The following SIGLEC9 variants were observed in gnomAD, a reference collection of about 807,000 sequenced individuals.
SIGLEC9 encodes the protein sialic acid binding Ig like lectin 9, also known as sialic acid-binding Ig-like lectin 9.
In SIGLEC9, 26 loss-of-function variants were observed where a neutral mutation model predicts 38.3. That is an observed-to-expected ratio of 0.68 (90% CI 0.50 to 0.94). SIGLEC9 has a LOEUF of 0.94. Among genes scored for constraint, SIGLEC9 ranks in the 40% least tolerant of loss-of-function variants. The pLI is 0.00. For missense variants in SIGLEC9, 556 were observed against 585.7 expected (o/e 0.95, Z 0.52); for synonymous variants, 236 against 248.0 (o/e 0.95, Z 0.45).
intron 6 of SIGLEC9, among the ~76,000 whole-genome samples, chr19:51,135,752 G>A (rs1315674747): frequency 6.6e-6 from 1 of 152,054 alleles, no homozygotes; most frequent in Non-Finnish European, 1.5e-5. Flanking sequence ...ATATTTGTTG[G>A]AGGGTTTTGT....
In SIGLEC9 at chr19:51,127,214, C is replaced by T. The variant is rs769451840; in HGVS notation, c.933C>T (p.His311=). The stretch of plus-strand genomic sequence containing the variant: ...GGGTGCTGGAGCTGCCTTGGGTGCA[C>T]CTGAGGGATGCAGCTGAATTCACCT... ...NPGVLELPWV[H]LRDAAEFTCR... Residue 311 remains histidine (H), a synonymous_variant, in exon 4 of 7, where the codon CAC becomes CAT. Transcript: ENST00000250360. 1 of 1,614,212 alleles carries T rather than the reference C, an allele frequency of 6.2e-7. No homozygotes were observed. Among genetic ancestry groups the T allele is most frequent in the Non-Finnish European group, 8.5e-7 (1 of 1,180,018 alleles).
Position 51,125,242 on chromosome 19 carries a change from C to T in SIGLEC9, c.268C>T (p.Arg90Ter), listed in dbSNP as rs746104514. The T allele has an allele frequency of 1.2e-5, 19 of 1,613,956 alleles. 1 individual carries two copies. Among genetic ancestry groups the T allele is most frequent in the Middle Eastern group, 1.6e-4 (1 of 6,084 alleles). ...ARAVWEETRD[R>*]FHLLGDPHTK... ...GGCAGTGTGGGAGGAGACTCGGGACCGATTCCACCTCCTTGGGGACCCACA... is the reference window on the plus strand; with the variant it reads ...GGCAGTGTGGGAGGAGACTCGGGACTGATTCCACCTCCTTGGGGACCCACA... Residue 90 changes from arginine to a stop codon, truncating the protein, a stop_gained, in exon 1 of 7, where the codon CGA becomes TGA. Transcript: ENST00000250360. LOFTEE classifies it high-confidence loss of function.
intron 4 of SIGLEC9, 42 bp downstream of exon 4, chr19:51,127,338 C>G: frequency 6.4e-7 from 1 of 1,551,716 alleles, no homozygotes; most frequent in Non-Finnish European, 8.7e-7. Flanking sequence ...GAGAGGAGAA[C>G]ACACCTCCTC....
At chr19:51,124,900 G>A (rs954442221), upstream of SIGLEC9, 63 of 1,538,086 alleles carry the variant, frequency 4.1e-5, no homozygotes, top group Non-Finnish European at 5.4e-5. Flanking sequence ...TCTAAGTCTT[G>A]AGCCCGCAGT....
intron 6 of SIGLEC9, 64 bp downstream of exon 6, chr19:51,128,574 A>AT: frequency 1.4e-6 from 2 of 1,455,262 alleles, no homozygotes; most frequent in South Asian, 2.3e-5. Flanking sequence ...GATGACCCCC[A>AT]GGACTAATCA....
In SIGLEC9 at chr19:51,136,028, C is replaced by G. The variant is rs114486750; in HGVS notation, c.1270C>G (p.Arg424Gly). The change falls in exon 7 of 7, where the codon CGT (arginine) becomes GGT (glycine). Residue 424 changes from arginine (R) to glycine (G), a missense_variant. Physicochemically the swap from Arg to Gly is moderately radical, Grantham distance 125. Coordinates refer to the SIGLEC9 transcript ENST00000440804. ...GGGTTTCGAGTTTCTCCTGAATCTC[C>G]GTGATCTTTGTTGCCATCCAGATTC... 4.5e-3 allele frequency: 3,192 copies of G among 703,542 alleles called. 63 individuals carry two copies. The African/African-American group carries it at 0.047, about 10-fold the overall frequency. The allele number at this position is 703,542 out of a possible 1,614,324, so 43.6% of individuals were successfully genotyped here. A position where few individuals can be genotyped will look rare whatever the true frequency, so the allele number is the denominator to read the frequency against.
Position 51,130,278 on chromosome 19 carries a change from T to C in SIGLEC9, c.*199T>C. ...TGAATCCACACTGTGCCCTCCCTTT[T>C]ATTTTTTTAACTAAAAGACAGACAA... On this transcript the variant is annotated 3_prime_UTR_variant, in exon 7 of 7. Coordinates refer to ENST00000250360, the MANE Select transcript of SIGLEC9 (RefSeq NM_014441.3). The C allele has an allele frequency of 9.2e-7, 1 of 1,087,346 alleles. No homozygotes were observed. The highest frequency in any genetic ancestry group is 3.2e-5 in the East Asian group (1 of 30,856). 67.4% of individuals were successfully genotyped at this position (1,087,346 alleles called of 1,614,324 possible).
chr19:51,129,749 A>C (rs2092004553), intron 6 of SIGLEC9, 142 bp from the exon 7 acceptor site: 4 of 611,434 alleles, frequency 6.5e-6, no homozygotes, highest in South Asian at 4.4e-5. Flanking sequence ...GGGTTTCACC[A>C]TGTTGGCCAG....
downstream of SIGLEC9, among the ~76,000 whole-genome samples, chr19:51,131,015 C>T (rs575843475): frequency 1.6e-4 from 25 of 152,286 alleles, no homozygotes; most frequent in African/African-American, 6.0e-4. Flanking sequence ...AGTGAAGCAG[C>T]AGCTCATGAT....
chr19:51,135,333 G>T (rs2092036503), intron 6 of SIGLEC9, among the ~76,000 whole-genome samples: 1 of 152,126 alleles, frequency 6.6e-6, no homozygotes, highest in South Asian at 2.1e-4. Context: ...CTTCGTTTAT[G>T]AAGCTTAGTT....
Position 51,136,042 on chromosome 19 carries a change from C to A in SIGLEC9, c.1284C>A (p.Cys428Ter). 1 of 703,740 alleles carries A rather than the reference C, an allele frequency of 1.4e-6. No homozygotes were observed. The highest frequency in any genetic ancestry group is 2.6e-6 in the Non-Finnish European group (1 of 385,000). 43.6% of individuals were successfully genotyped at this position (703,740 alleles called of 1,614,324 possible). ...TCCTGAATCTCCGTGATCTTTGTTG[C>A]CATCCAGATTCTGAATTCTATGTCT... Residue 428 changes from cysteine to a stop codon, truncating the protein, a stop_gained, in exon 7 of 7, where the codon TGC (cysteine) becomes TGA (stop). Transcript: ENST00000440804. LOFTEE classifies it high-confidence loss of function.
chr19:51,123,719 A>G (rs942969148), upstream of SIGLEC9, among the ~76,000 whole-genome samples: 3 of 152,116 alleles, frequency 2.0e-5, no homozygotes, highest in Non-Finnish European at 4.4e-5. Context: ...GCATGTTCAT[A>G]TGTGTAAACC....
In SIGLEC9 at chr19:51,130,054, A is replaced by T; in HGVS notation, c.1367A>T (p.Tyr456Phe). The T allele has an allele frequency of 6.2e-7, 1 of 1,612,862 alleles. No homozygotes were observed. The highest frequency in any genetic ancestry group is 8.5e-7 in the Non-Finnish European group (1 of 1,179,378). Residue 456 changes from tyrosine to phenylalanine, a missense_variant, in exon 7 of 7, where the codon TAC becomes TTC. Transcript: ENST00000250360. Reference protein sequence around the residue: ...SRGQEATDTEYSEIKIHR With the variant: ...SRGQEATDTEFSEIKIHR ...GGACAGGAGGCCACTGACACCGAGT[A>T]CTCGGAGATCAAGATCCACAGATGA...
intron 1 of SIGLEC9, 29 bp downstream of exon 1, chr19:51,125,424 A>G: frequency 6.4e-7 from 1 of 1,563,534 alleles, no homozygotes; most frequent in Non-Finnish European, 8.7e-7. Flanking sequence ...GAAAGGCCAC[A>G]GGGAAAGGTC....
intron 4 of SIGLEC9, 55 bp downstream of exon 4, chr19:51,127,351 C>T (rs2122845611): frequency 1.3e-6 from 2 of 1,516,012 alleles, no homozygotes; most frequent in Non-Finnish European, 1.8e-6. Context: ...ACCTCCTCCA[C>T]CCTTAGTAAC....
chr19:51,136,118 T>G (rs1450925653), exon 7 of SIGLEC9: 1 of 703,800 alleles, frequency 1.4e-6, no homozygotes, highest in Non-Finnish European at 2.6e-6. Flanking sequence ...GGAGATAGTG[T>G]GGTCACTTGA....
intron 5 of SIGLEC9, 33 bp downstream of exon 5, chr19:51,128,072 G>C: frequency 6.5e-7 from 1 of 1,531,226 alleles, no homozygotes; most frequent in Non-Finnish European, 9.0e-7. Flanking sequence ...GAGGGAGGGA[G>C]AGCCCTGGGG....
At chr19:51,123,641 T>C (rs1395544510), upstream of SIGLEC9, among the ~76,000 whole-genome samples, 4 of 152,036 alleles carry the variant, frequency 2.6e-5, no homozygotes, top group Admixed American at 2.6e-4. Flanking sequence ...GGAAGTGGGG[T>C]GTGGCTGACA....
chr19:51,128,177 T>C, intron 5 of SIGLEC9, 138 bp downstream of exon 5: 1 of 809,302 alleles, frequency 1.2e-6, no homozygotes. Context: ...AGGTGCATGG[T>C]GAGAATTCCA....
Sources: allele counts gnomAD v4.1 joint callset (sites outside exome capture counted in the v4.1 genomes callset), GRCh38; gene constraint gnomAD v4.1.1; transcripts MANE v1.5; gene names NCBI Gene and HGNC (gene_info 2026-07-23, HGNC 2026-07-21).